The following GDAP1 variants were observed in gnomAD, a reference collection of about 807,000 sequenced individuals.
GDAP1 encodes ganglioside-induced differentiation-associated protein 1.
GDAP1 carries 34 observed loss-of-function variants against 40.1 expected under a neutral mutation model. The ratio of observed to expected loss-of-function variants is 0.85; its 90% confidence interval spans 0.64 to 1.13. The LOEUF (loss-of-function observed/expected upper bound fraction) is 1.13. Among genes scored for constraint, GDAP1 ranks in the 50% most tolerant of loss-of-function variants. The probability of loss-of-function intolerance (pLI) is 0.00; values close to 1 mark genes in which losing one functional copy is unlikely to be tolerated. For missense variants in GDAP1, 374 were observed against 433.7 expected (o/e 0.86, Z 1.22); for synonymous variants, 170 against 157.4 (o/e 1.08, Z -0.60).
At chr8:74,387,571 G>T (rs1810043875) in intron 2 of GDAP1, among the ~76,000 whole-genome samples, 1 of 152,158 alleles carries the variant, frequency 6.6e-6, no homozygotes, top group South Asian at 2.1e-4. Flanking sequence ...TGTACTGCTG[G>T]ATTTGGTTTG....
intron 2 of GDAP1, among the ~76,000 whole-genome samples, chr8:74,422,980 AT>A (rs1324302136): frequency 1.3e-5 from 2 of 150,052 alleles, no homozygotes; most frequent in Non-Finnish European, 3.0e-5. Flanking sequence ...TCTAACAAAT[AT>A]TTTTTGAACA....
At chr8:74,410,157 A>T (rs1805691141) in intron 2 of GDAP1, among the ~76,000 whole-genome samples, 1 of 150,240 alleles carries the variant, frequency 6.7e-6, no homozygotes, top group Non-Finnish European at 1.5e-5. Context: ...CTCTTGAATC[A>T]GTTAAATGAA....
chr8:74,409,166 ATTAG>A lies in GDAP1; in HGVS notation c.165+57852_165+57855del, dbSNP rs1022746534. ...AAGCCCCAAACTGGAAGCAGATATG[ATTAG>A]TTAGTTTCGTTTAATGTTCTCTTTC... On this transcript the variant is annotated intron_variant, in intron 2 of 2. Transcript: ENST00000523640. Among the ~76,000 whole-genome samples, 4 of 150,068 alleles carry A rather than the reference ATTAG, an allele frequency of 2.7e-5. 1 individual carries two copies. Among genetic ancestry groups the A allele is most frequent in the African/African-American group, 1.0e-4 (4 of 39,386 alleles).
chr8:74,362,585 G>A (rs1809422571), intron 4 of GDAP1, among the ~76,000 whole-genome samples: 1 of 152,038 alleles, frequency 6.6e-6, no homozygotes, highest in South Asian at 2.1e-4. Flanking sequence ...ACTCATCCCT[G>A]ACCCTTCAGC....
In GDAP1 at chr8:74,380,761, A is replaced by G. The variant is rs111341789; in HGVS notation, c.165+29440A>G. Among the ~76,000 whole-genome samples the G allele has an allele frequency of 5.0e-3, 755 of 152,324 alleles. 8 individuals are homozygous for G. Among genetic ancestry groups the G allele is most frequent in the African/African-American group, 0.016 (656 of 41,572 alleles). On this transcript the variant is annotated intron_variant, in intron 2 of 2. Coordinates refer to the GDAP1 transcript ENST00000523640. Reference sequence around the variant, plus strand: ...CAAGTTTAAGTCTGTGGAACGGACAATATTGCAGTTAAGGCCCAGGTGTAT... The same window carrying G: ...CAAGTTTAAGTCTGTGGAACGGACAGTATTGCAGTTAAGGCCCAGGTGTAT...
chr8:74,400,996 C>T lies in GDAP1; in HGVS notation c.165+49675C>T, dbSNP rs1275959162. ...TTGCTGCCCTTAACATTTTTTCCTT[C>T]ATTTCAACTTTGGTGAATCTGACAA... On this transcript the variant is annotated intron_variant, in intron 2 of 2. Transcript: ENST00000523640. Among the ~76,000 whole-genome samples, 4 of 149,738 alleles carry T rather than the reference C, an allele frequency of 2.7e-5. No individual in the cohort carries two copies. The East Asian group carries it at 7.7e-4, about 29-fold the overall frequency.
intron 2 of GDAP1, among the ~76,000 whole-genome samples, chr8:74,420,658 T>C (rs1805844669): frequency 6.6e-6 from 1 of 152,176 alleles, no homozygotes; most frequent in African/African-American, 2.4e-5. Flanking sequence ...TTAATGTGAC[T>C]CTCTGAAGTA....
chr8:74,459,999 A>G (rs1806381342), intron 2 of GDAP1, among the ~76,000 whole-genome samples: 2 of 152,170 alleles, frequency 1.3e-5, no homozygotes, highest in Non-Finnish European at 2.9e-5. Flanking sequence ...CAGGCAATTT[A>G]TCTGTGTTGG....
At chr8:74,358,443 G>T (rs1349096208) in intron 2 of GDAP1, among the ~76,000 whole-genome samples, 1 of 152,138 alleles carries the variant, frequency 6.6e-6, no homozygotes, top group Non-Finnish European at 1.5e-5. Context: ...AAACTTTTTG[G>T]TCTCTATACC....
In GDAP1 at chr8:74,455,857, A is replaced by G. The variant is rs550183727; in HGVS notation, c.166-32821A>G. 3.9e-5 allele frequency among the ~76,000 whole-genome samples: 6 copies of G among 152,076 alleles called. No individual in the cohort carries two copies. In the South Asian group the frequency reaches 1.0e-3, roughly 26 times the overall value. On this transcript the variant is annotated intron_variant, in intron 2 of 2. Transcript: ENST00000523640. ...TATATAGGATGTGCTTCTATAAGGC[A>G]GGGAGTGGCACTGTGAGCTGCTAGA...
At chr8:74,442,066 C>G (rs2131572505) in intron 2 of GDAP1, among the ~76,000 whole-genome samples, 1 of 152,326 alleles carries the variant, frequency 6.6e-6, no homozygotes, top group Admixed American at 6.5e-5. Context: ...TTAAAACTTT[C>G]TTCACAGATT....
intron 2 of GDAP1, among the ~76,000 whole-genome samples, chr8:74,464,617 A>G (rs529501867): frequency 2.6e-5 from 4 of 152,328 alleles, no homozygotes; most frequent in Non-Finnish European, 5.9e-5. Flanking sequence ...ACAGCATACT[A>G]CATTTTGTGC....
Position 74,363,063 on chromosome 8 carries a change from C to T in GDAP1, c.694+10C>T. The T allele has an allele frequency of 2.5e-6, 3 of 1,178,018 alleles. No individual in the cohort carries two copies. Among genetic ancestry groups the T allele is most frequent in the Non-Finnish European group, 3.8e-6 (3 of 782,210 alleles). The allele number at this position is 1,178,018 out of a possible 1,614,324, so 73.0% of individuals were successfully genotyped here. On this transcript the variant is annotated intron_variant, in intron 5 of 5. Coordinates refer to ENST00000220822, the MANE Select transcript of GDAP1 (RefSeq NM_018972.4). ...AATGAAGAAACCCCAGGTAGGTTCT[C>T]ATTTATATTCTTTCTCTCTTTTCAA... is the stretch of plus-strand genomic sequence containing the variant.
downstream of GDAP1, chr8:74,366,879 A>G (rs1013698854): frequency 7.4e-6 from 3 of 407,328 alleles, no homozygotes; most frequent in Non-Finnish European, 9.6e-6. Flanking sequence ...AAAACAAAGT[A>G]CTCACTTTGT....
intron 2 of GDAP1, among the ~76,000 whole-genome samples, chr8:74,432,128 C>T (rs1286409346): frequency 6.6e-6 from 1 of 152,032 alleles, no homozygotes; most frequent in Admixed American, 6.6e-5. Flanking sequence ...TCATGAGCTA[C>T]GAGAATAAGT....
chr8:74,476,756 T>G (rs13268320), intron 2 of GDAP1, among the ~76,000 whole-genome samples: 8,782 of 152,266 alleles, frequency 0.058, 391 homozygotes, highest in African/African-American at 0.12. Context: ...GATGATTATA[T>G]GTCTTCATGA....
chr8:74,419,022 T>C (rs1031026628), intron 2 of GDAP1, among the ~76,000 whole-genome samples: 1 of 152,176 alleles, frequency 6.6e-6, no homozygotes, highest in African/African-American at 2.4e-5. Context: ...TTAAACATAC[T>C]GGCAATACCA....
At chr8:74,451,702 A>G (rs1806296917) in intron 2 of GDAP1, among the ~76,000 whole-genome samples, 1 of 81,074 alleles carries the variant, frequency 1.2e-5, no homozygotes. Flanking sequence ...TTTCACTGGT[A>G]TAGAATTCTA....
chr8:74,363,807 C>CT (rs931565953), intron 5 of GDAP1, among the ~76,000 whole-genome samples, 178 bp from the exon 6 acceptor site: 12 of 151,424 alleles, frequency 7.9e-5, no homozygotes, highest in African/African-American at 2.7e-4. Context: ...TTTGCATGGA[C>CT]TTTTTTTTTA....
Sources: allele counts gnomAD v4.1 joint callset (sites outside exome capture counted in the v4.1 genomes callset), GRCh38; gene constraint gnomAD v4.1.1; transcripts MANE v1.5; gene names NCBI Gene and HGNC (gene_info 2026-07-23, HGNC 2026-07-21).